The following FGD6 variants were observed in gnomAD, a reference collection of about 807,000 sequenced individuals.
The protein encoded by FGD6 is FYVE, RhoGEF and PH domain containing 6.
In FGD6, 90 loss-of-function variants were observed where a neutral mutation model predicts 149.4. The ratio of observed to expected loss-of-function variants is 0.60; its 90% CI spans 0.51 to 0.72. The LOEUF (loss-of-function observed/expected upper bound fraction) is 0.72. FGD6 is among the 30% of genes least tolerant of loss of function. The pLI is 0.00. For missense variants in FGD6, 1,437 were observed against 1,684.8 expected (o/e 0.85, Z 2.57); for synonymous variants, 527 against 584.0 (o/e 0.90, Z 1.41).
At chr12:95,110,998 C>A (rs189348559) in intron 9 of FGD6, among the ~76,000 whole-genome samples, 1 of 151,666 alleles carries the variant, frequency 6.6e-6, no homozygotes, top group East Asian at 1.9e-4. Context: ...CTCTTTTTTT[C>A]CTGAGACAGA....
rs756397669 is a variant in FGD6, at chr12:95,107,648, A to C, written c.3265-17T>G. 2.8e-5 allele frequency: 45 copies of C among 1,613,448 alleles called. No individual in the cohort carries two copies. In the Middle Eastern group the frequency reaches 4.9e-4, roughly 18 times the overall value. On this transcript the variant is annotated splice_polypyrimidine_tract_variant and intron_variant, in intron 11 of 20. Transcript: ENST00000343958. ...GAGAAAAACCTGATTCACCCAAACA[A>C]ACACCCATTTAGTCCTACCATCACA...
intron 8 of FGD6, among the ~76,000 whole-genome samples, chr12:95,117,427 T>C (rs1879050903): frequency 6.8e-6 from 1 of 146,452 alleles, no homozygotes; most frequent in African/African-American, 2.7e-5. Context: ...CTGCCTTTTT[T>C]TTTTCTTTCT....
intron 1 of FGD6, among the ~76,000 whole-genome samples, chr12:95,211,907 A>G (rs188422404): frequency 6.6e-6 from 1 of 152,344 alleles, no homozygotes; most frequent in African/African-American, 2.4e-5. Context: ...TTGTTCTTCA[A>G]TTCATTTGCC....
chr12:95,192,242 G>A (rs1310612820), intron 2 of FGD6, among the ~76,000 whole-genome samples: 1 of 152,094 alleles, frequency 6.6e-6, no homozygotes, highest in African/African-American at 2.4e-5. Flanking sequence ...TGAATACAAA[G>A]AGCAGAATGT....
intron 18 of FGD6, among the ~76,000 whole-genome samples, chr12:95,086,536 CTTTTTTTTTTTTTTTTT>C (rs1010739533): frequency 9.5e-6 from 1 of 105,756 alleles, no homozygotes; most frequent in African/African-American, 3.5e-5. Flanking sequence ...TTTTTTTTTT[CTTTTTTTTTTTTTTTTT>C]TTTTGAGACT....
chr12:95,174,927 C>CAAAA (rs10687970), intron 2 of FGD6, among the ~76,000 whole-genome samples: 6,771 of 84,046 alleles, frequency 0.081, 387 homozygotes, highest in East Asian at 0.19. Flanking sequence ...ACTCCATCTC[C>CAAAA]AAAAAAAAAA....
intron 3 of FGD6, among the ~76,000 whole-genome samples, chr12:95,172,074 A>G (rs1881010100): frequency 6.6e-6 from 1 of 150,924 alleles, no homozygotes; most frequent in African/African-American, 2.4e-5. Context: ...GCCATTGGAC[A>G]TTAGGAAAAA....
chr12:95,132,343 T>C (rs1244613817), intron 8 of FGD6, among the ~76,000 whole-genome samples: 4 of 152,202 alleles, frequency 2.6e-5, no homozygotes, highest in African/African-American at 7.2e-5. Flanking sequence ...GAGAGTTTTT[T>C]AAAACCTGCT....
chr12:95,084,348 A>G, intron 20 of FGD6, 150 bp downstream of exon 20: 1 of 638,828 alleles, frequency 1.6e-6, no homozygotes, highest in South Asian at 3.4e-5. Context: ...ACAATTCTGA[A>G]GAGTTTAAAT....
At chr12:95,108,317 A>T (rs553669121) in intron 11 of FGD6, 31 bp downstream of exon 11, 2 of 1,594,358 alleles carry the variant, frequency 1.3e-6, no homozygotes, top group South Asian at 2.2e-5. Flanking sequence ...GCATCGTATT[A>T]AGTTTGCGAA....
chr12:95,149,140 TATATATTATATAATATATAGCATATATA>T (rs1565908731), intron 5 of FGD6, among the ~76,000 whole-genome samples: 1 of 34,652 alleles, frequency 2.9e-5, no homozygotes, highest in Non-Finnish European at 4.2e-5. Flanking sequence ...TAGCATATAT[TATATATTATATAATATATAGCATATATA>T]ATATTATATA....
chr12:95,208,980 A>T lies in FGD6; in HGVS notation c.2304T>A (p.Ala768=). Residue 768 remains alanine (A), a synonymous_variant, in exon 2 of 21, where the codon GCT becomes GCA. Transcript: ENST00000343958. ...ATTCCAACTCTTGAGTTTTCCGTAT[A>T]GCCATAATAAATGGCAAGTTCTCGT... ...PEYENLPFIM[A]IRKTQELEWQ... 6.2e-7 allele frequency: 1 copy of T among 1,614,094 alleles called. No individual in the cohort carries two copies. Among genetic ancestry groups the T allele is most frequent in the African/African-American group, 1.3e-5 (1 of 75,008 alleles).
rs763144870 is a variant in FGD6 at position 95,078,636 on chromosome 12, G to A, written c.*2884C>T. 2.6e-5 allele frequency: 4 copies of A among 152,196 alleles called. No homozygotes were observed. Among genetic ancestry groups the A allele is most frequent in the Non-Finnish European group, 5.9e-5 (4 of 68,038 alleles). The allele number at this position is 152,196 out of a possible 1,614,324, so 9.4% of individuals were successfully genotyped here. ...CCAAAATACAATAGGGGGATGCTGG[G>A]TACATTACAGAAAAAGGGAAAAGAG... is the stretch of plus-strand genomic sequence containing the variant. On this transcript the variant is annotated 3_prime_UTR_variant, in exon 21 of 21. Coordinates refer to ENST00000343958, the MANE Select transcript of FGD6 (RefSeq NM_018351.4).
chr12:95,111,000 T>C (rs1266439791), intron 9 of FGD6, among the ~76,000 whole-genome samples: 1 of 152,104 alleles, frequency 6.6e-6, no homozygotes, highest in Non-Finnish European at 1.5e-5. Context: ...CTTTTTTTCC[T>C]GAGACAGAGT....
Position 95,078,915 on chromosome 12 carries a change from G to C in FGD6, c.*2605C>G, listed in dbSNP as rs1244272699. ...ATTAAAAGGAGATACCTGAAAAAGGGTTTGATGGAAGCACAGGCACACATA... is the reference window on the plus strand; with the variant it reads ...ATTAAAAGGAGATACCTGAAAAAGGCTTTGATGGAAGCACAGGCACACATA... On this transcript the variant is annotated 3_prime_UTR_variant, in exon 21 of 21. Transcript: ENST00000343958. 1 of 152,184 alleles carries C rather than the reference G, an allele frequency of 6.6e-6. No individual in the cohort carries two copies. Among genetic ancestry groups the C allele is most frequent in the Non-Finnish European group, 1.5e-5 (1 of 68,040 alleles). 9.4% of individuals were successfully genotyped at this position (152,184 alleles called of 1,614,324 possible). A position where few individuals can be genotyped will look rare whatever the true frequency, so the allele number is the denominator to read the frequency against.
At chr12:95,208,121 T>C (rs527387912) in intron 2 of FGD6, among the ~76,000 whole-genome samples, 1 of 152,116 alleles carries the variant, frequency 6.6e-6, no homozygotes, top group African/African-American at 2.4e-5. Context: ...CATGGTGGCA[T>C]GCACCTATAG....
At chr12:95,117,579 A>G (rs1879057445) in intron 8 of FGD6, among the ~76,000 whole-genome samples, 1 of 152,082 alleles carries the variant, frequency 6.6e-6, no homozygotes, top group African/African-American at 2.4e-5. Flanking sequence ...GACCTGTACT[A>G]CCACGTTGGG....
chr12:95,143,721 C>T (rs973235661), intron 5 of FGD6, among the ~76,000 whole-genome samples: 1 of 152,182 alleles, frequency 6.6e-6, no homozygotes, highest in Non-Finnish European at 1.5e-5. Context: ...TTTTGAAAAT[C>T]ATTAGGCTGT....
At chr12:95,128,591 ATAAT>A (rs2136253478) in intron 8 of FGD6, among the ~76,000 whole-genome samples, 1 of 152,278 alleles carries the variant, frequency 6.6e-6, no homozygotes, top group East Asian at 1.9e-4. Context: ...GATCCATGGT[ATAAT>A]TAAACAACTA....
Sources: allele counts gnomAD v4.1 joint callset (sites outside exome capture counted in the v4.1 genomes callset), GRCh38; gene constraint gnomAD v4.1.1; transcripts MANE v1.5; gene names NCBI Gene and HGNC (gene_info 2026-07-23, HGNC 2026-07-21).